The following DNAH3 variants were observed in gnomAD, a reference collection of about 807,000 sequenced individuals.
DNAH3 encodes the protein axonemal beta dynein heavy chain 3.
DNAH3 carries 332 observed loss-of-function variants against 432.5 expected under a neutral mutation model. The ratio of observed to expected loss-of-function variants is 0.77; its 90% CI spans 0.70 to 0.84. DNAH3 has a LOEUF of 0.84. Among genes scored for constraint, DNAH3 ranks in the 40% least tolerant of loss-of-function variants. The probability of loss-of-function intolerance (pLI) is 0.00; values close to 1 mark genes in which losing one functional copy is unlikely to be tolerated. For missense variants in DNAH3, 4,861 were observed against 5,114.0 expected, an observed-to-expected ratio of 0.95 and a Z score of 1.51; for synonymous variants, 1,956 against 1,900.2, an observed-to-expected ratio of 1.03 and a Z score of -0.76.
At chr16:21,147,222 G>A (rs2092797113) in intron 1 of DNAH3, among the ~76,000 whole-genome samples, 1 of 149,166 alleles carries the variant, frequency 6.7e-6, no homozygotes, top group African/African-American at 2.5e-5. Flanking sequence ...ATTGACTCTT[G>A]CATTTTTTTT....
chr16:21,119,070 A>G (rs1334735666), intron 11 of DNAH3, among the ~76,000 whole-genome samples: 1 of 152,178 alleles, frequency 6.6e-6, no homozygotes, highest in Non-Finnish European at 1.5e-5. Flanking sequence ...CCAGTGGAGG[A>G]GCAACTTCTT....
intron 51 of DNAH3, among the ~76,000 whole-genome samples, chr16:20,971,060 G>T (rs1378942017): frequency 6.6e-6 from 1 of 151,730 alleles, no homozygotes; most frequent in Non-Finnish European, 1.5e-5. Flanking sequence ...TATAGATGGG[G>T]TTTCACCATG....
chr16:21,140,525 C>G lies in DNAH3; in HGVS notation c.696+11G>C. The G allele has an allele frequency of 5.6e-6, 9 of 1,611,294 alleles. No individual in the cohort carries two copies. The highest frequency in any genetic ancestry group is 7.6e-6 in the Non-Finnish European group (9 of 1,177,958). Reference sequence around the variant, plus strand: ...CAGCAAACCGAGGGAAAGGGGGCAACAGGAACGTACCTCCAGGTCCGATTC... The same window carrying G: ...CAGCAAACCGAGGGAAAGGGGGCAAGAGGAACGTACCTCCAGGTCCGATTC... On this transcript the variant is annotated intron_variant, in intron 5 of 61. Transcript: ENST00000261383.
intron 57 of DNAH3, among the ~76,000 whole-genome samples, chr16:20,945,497 T>C (rs2084003774): frequency 9.0e-6 from 1 of 111,240 alleles, no homozygotes; most frequent in African/African-American, 3.4e-5. Context: ...ATTCCTTTAC[T>C]TTTTTTTTTT....
intron 10 of DNAH3, 23 bp downstream of exon 11, chr16:21,121,922 G>T: frequency 6.4e-7 from 1 of 1,562,742 alleles, no homozygotes; most frequent in South Asian, 1.2e-5. Flanking sequence ...TCATGCAAAT[G>T]AATGATTAAG....
chr16:21,072,622 C>T (rs1265827589), intron 21 of DNAH3, among the ~76,000 whole-genome samples: 2 of 151,706 alleles, frequency 1.3e-5, no homozygotes, highest in Non-Finnish European at 2.9e-5. Flanking sequence ...AGGCACGAGC[C>T]ACCATGCCTG....
intron 60 of DNAH3, among the ~76,000 whole-genome samples, chr16:20,936,102 C>A (rs1027114820): frequency 7.9e-5 from 12 of 152,024 alleles, no homozygotes; most frequent in Admixed American, 2.6e-4. Context: ...TACCAGGTAG[C>A]CAAACCAAAC....
chr16:21,044,951 G>C (rs1259542570), intron 31 of DNAH3, among the ~76,000 whole-genome samples: 1 of 149,318 alleles, frequency 6.7e-6, no homozygotes. Context: ...TTTGTCTTTG[G>C]CTCTGTTTAT....
chr16:20,964,030 G>A (rs765782793), exon 53 of DNAH3: 30 of 1,614,016 alleles, frequency 1.9e-5, no homozygotes, highest in Middle Eastern at 3.3e-4. Context: ...GTCAATCTGC[G>A]TTTCTGTCAT....
intron 36 of DNAH3, among the ~76,000 whole-genome samples, chr16:21,031,904 T>C (rs1597191050): frequency 6.6e-6 from 1 of 152,208 alleles, no homozygotes; most frequent in African/African-American, 2.4e-5. Context: ...GGCGCATGCC[T>C]GTAAACCCAG....
At chr16:20,997,546 G>A in intron 43 of DNAH3, 84 bp from the exon 44 acceptor site, 19 of 1,432,410 alleles carry the variant, frequency 1.3e-5, no homozygotes, top group African/African-American at 2.8e-5. Flanking sequence ...CAATTCCCCT[G>A]TAGGGGAATC....
intron 10 of DNAH3, chr16:21,121,152 A>G: frequency 2.0e-6 from 1 of 493,624 alleles, no homozygotes; most frequent in Non-Finnish European, 3.8e-6. Context: ...GCAAGACCCC[A>G]CAGATCCCTT....
At chr16:21,117,750 C>T (rs1008729124) in intron 11 of DNAH3, among the ~76,000 whole-genome samples, 2 of 152,156 alleles carry the variant, frequency 1.3e-5, no homozygotes. Context: ...CCATGAAGGT[C>T]TGGATCATAT....
chr16:20,988,050 T>A, exon 45 of DNAH3: 1 of 1,614,156 alleles, frequency 6.2e-7, no homozygotes, highest in South Asian at 1.1e-5. Context: ...GATATTCAGA[T>A]GGCGAGTGAA....
intron 31 of DNAH3, 137 bp from the exon 32 acceptor site, chr16:21,042,340 A>T: frequency 1.2e-6 from 1 of 811,986 alleles, no homozygotes; most frequent in Non-Finnish European, 1.9e-6. Context: ...AATTAGGAGC[A>T]TGATTTGGGG....
At chr16:20,958,559 T>C (rs1488203019) in intron 54 of DNAH3, among the ~76,000 whole-genome samples, 1 of 152,142 alleles carries the variant, frequency 6.6e-6, no homozygotes, top group East Asian at 1.9e-4. Context: ...TCTTTGCTTT[T>C]CCAAATGCTG....
chr16:21,127,731 C>T, exon 8 of DNAH3: 1 of 1,614,122 alleles, frequency 6.2e-7, no homozygotes, highest in Non-Finnish European at 8.5e-7. Flanking sequence ...GTTTCTGGAT[C>T]ACATCCCAAA....
At chr16:21,021,730 C>A (rs561125670) in intron 40 of DNAH3, among the ~76,000 whole-genome samples, 2 of 151,902 alleles carry the variant, frequency 1.3e-5, no homozygotes, top group Admixed American at 1.3e-4. Context: ...GTCAACATGG[C>A]GAAACCCCAT....
chr16:20,961,620 A>G (rs972931819), intron 53 of DNAH3, among the ~76,000 whole-genome samples: 1 of 152,050 alleles, frequency 6.6e-6, no homozygotes, highest in Non-Finnish European at 1.5e-5. Context: ...GAGGACAGAC[A>G]CAGAGAGAAG....
Sources: gnomAD v4.1 joint callset for allele counts (sites outside exome capture counted in the v4.1 genomes callset) on GRCh38, gnomAD v4.1.1 for gene constraint, MANE v1.5 for transcripts, NCBI Gene and HGNC (gene_info 2026-07-23, HGNC 2026-07-21) for gene names.